Variants in DCX observed in about 807,000 individuals in gnomAD.
The protein encoded by DCX is neuronal migration protein doublecortin.
Under a neutral mutation model 20.9 loss-of-function variants are expected in DCX, and 4 were observed. The ratio of observed to expected loss-of-function variants is 0.19; its 90% CI spans 0.09 to 0.44. DCX has a LOEUF of 0.44. Among genes scored for constraint, DCX ranks in the 20% least tolerant of loss-of-function variants. The pLI is 0.99. For missense variants in DCX, 133 were observed against 296.9 expected (o/e 0.45, Z 4.06); for synonymous variants, 103 against 111.4 (o/e 0.92, Z 0.47).
chrX:111,349,195 T>G (rs767971198), intron 3 of DCX, among the ~76,000 whole-genome samples: 1 of 111,877 alleles, frequency 8.9e-6, no homozygotes, highest in South Asian at 3.8e-4. Flanking sequence ...CTAGTTGATT[T>G]CTGAGGTCTC....
At chrX:111,346,611 A>AAT in intron 3 of DCX, among the ~76,000 whole-genome samples, 2 of 112,059 alleles carry the variant, frequency 1.8e-5, no homozygotes, top group South Asian at 7.4e-4. Context: ...TAAAAGTTTA[A>AAT]AAAGTTCTAG....
intron 3 of DCX, among the ~76,000 whole-genome samples, chrX:111,379,315 G>T (rs765206934): frequency 1.6e-4 from 18 of 111,352 alleles, no homozygotes; most frequent in Non-Finnish European, 3.2e-4. Context: ...ACCAATTTTA[G>T]AACATTCTCA....
intron 3 of DCX, among the ~76,000 whole-genome samples, chrX:111,346,594 G>T (rs1220276670): frequency 1.8e-5 from 2 of 111,867 alleles, no homozygotes; most frequent in South Asian, 3.7e-4. Flanking sequence ...ACAGTTGGTT[G>T]TCATGTTAAA....
At chrX:111,376,459 T>G (rs757948790) in intron 3 of DCX, among the ~76,000 whole-genome samples, 33 of 112,050 alleles carry the variant, frequency 2.9e-4, no homozygotes, top group Non-Finnish European at 5.6e-4. Flanking sequence ...GAACTAATTA[T>G]GAATAAGTCC....
rs772292044 is a variant in DCX, at chrX:111,331,905, G to A, written c.809-864C>T. On this transcript the variant is annotated intron_variant, in intron 4 of 6. Transcript: ENST00000636035. ...CAAAACAAGAAATTAGTAAAACAAG[G>A]TCTAAAAGTCAAGTCCCCTGAGTTC... Among the ~76,000 whole-genome samples the A allele has an allele frequency of 4.4e-5, 5 of 112,553 alleles. No individual in the cohort carries two copies. The Admixed American group carries it at 4.7e-4, about 11-fold the overall frequency.
chrX:111,377,654 C>T (rs1307988950), intron 3 of DCX, among the ~76,000 whole-genome samples: 2 of 111,566 alleles, frequency 1.8e-5, no homozygotes, highest in African/African-American at 6.5e-5. Flanking sequence ...AGTGGGAATG[C>T]TTCCCAGAGA....
chrX:111,343,871 A>G (rs1249998751), intron 3 of DCX, among the ~76,000 whole-genome samples: 4 of 111,075 alleles, frequency 3.6e-5, no homozygotes, highest in Non-Finnish European at 5.7e-5. Flanking sequence ...AGTCCCAGCT[A>G]CTCAGGAGTC....
At chrX:111,333,894 T>A (rs928597933) in intron 3 of DCX, among the ~76,000 whole-genome samples, 5 of 111,471 alleles carry the variant, frequency 4.5e-5, no homozygotes, top group Non-Finnish European at 9.4e-5. Context: ...GAGATGAGGG[T>A]CCCTGGGAAA....
chrX:111,339,915 G>T (rs1420909863), intron 3 of DCX, among the ~76,000 whole-genome samples: 2 of 112,068 alleles, frequency 1.8e-5, no homozygotes, highest in African/African-American at 6.5e-5. Flanking sequence ...CCTCTCCCTG[G>T]TCACGGTACT....
In DCX at chrX:111,294,742, T is replaced by C. The variant is rs1433799313; in HGVS notation, c.*6945A>G. The C allele has an allele frequency of 8.9e-6, 1 of 111,752 alleles. No homozygotes were observed. The highest frequency in any genetic ancestry group is 1.9e-5 in the Non-Finnish European group (1 of 53,215). The allele number at this position is 111,752 out of a possible 1,213,427, so 9.2% of individuals were successfully genotyped here. ...GGACTACAAAGAAGAATATATTCTT[T>C]TCAGAGGTTAAAACGAGTTAAGAAA... On this transcript the variant is annotated 3_prime_UTR_variant, in exon 7 of 7. Coordinates refer to ENST00000636035, the MANE Select transcript of DCX (RefSeq NM_001195553.2).
At chrX:111,396,325 A>C (rs1004307369) in intron 3 of DCX, among the ~76,000 whole-genome samples, 1 of 112,181 alleles carries the variant, frequency 8.9e-6, no homozygotes. Context: ...CTTCCAATTG[A>C]AAATTGGCCT....
chrX:111,344,756 G>A (rs1398595438), intron 3 of DCX, among the ~76,000 whole-genome samples: 1 of 111,523 alleles, frequency 9.0e-6, no homozygotes, highest in Non-Finnish European at 1.9e-5. Context: ...ACAAACAAAT[G>A]GAAAAACATT....
intron 3 of DCX, among the ~76,000 whole-genome samples, chrX:111,380,185 A>G (rs752194214): frequency 2.6e-4 from 29 of 111,839 alleles, no homozygotes; most frequent in Admixed American, 7.6e-4. Context: ...TTTAATTCTT[A>G]TGAAGTCCAA....
chrX:111,309,330 G>T (rs1274796372), intron 6 of DCX, among the ~76,000 whole-genome samples: 1 of 112,158 alleles, frequency 8.9e-6, no homozygotes, highest in Admixed American at 9.4e-5. Context: ...TCAGCCATCT[G>T]CTTCCTGTCT....
intron 3 of DCX, among the ~76,000 whole-genome samples, chrX:111,362,199 C>A (rs1279101001): frequency 9.0e-6 from 1 of 111,314 alleles, no homozygotes; most frequent in Non-Finnish European, 1.9e-5. Flanking sequence ...GGAGAAAAAA[C>A]CATTGCTTGA....
intron 3 of DCX, among the ~76,000 whole-genome samples, chrX:111,344,690 T>C (rs908303763): frequency 1.8e-5 from 2 of 111,153 alleles, no homozygotes; most frequent in Admixed American, 9.6e-5. Flanking sequence ...ACAAGGGATA[T>C]GAAGGACCTC....
At chrX:111,381,516 C>T (rs945709868) in intron 3 of DCX, among the ~76,000 whole-genome samples, 6 of 110,406 alleles carry the variant, frequency 5.4e-5, no homozygotes, top group Non-Finnish European at 1.1e-4. Context: ...TGCAGAATTG[C>T]CCTGAAGATT....
chrX:111,405,569 G>A (rs1318569733), intron 2 of DCX, among the ~76,000 whole-genome samples: 1 of 111,249 alleles, frequency 9.0e-6, no homozygotes, highest in East Asian at 2.8e-4. Context: ...CTCAATTTGG[G>A]TTCAGAAAAG....
chrX:111,322,124 C>G (rs1394054017), intron 5 of DCX, among the ~76,000 whole-genome samples: 2 of 111,901 alleles, frequency 1.8e-5, no homozygotes, highest in African/African-American at 6.5e-5. Context: ...AGCTGTTTTT[C>G]TGCAGTTATT....
Sources: allele counts gnomAD v4.1 joint callset (sites outside exome capture counted in the v4.1 genomes callset), GRCh38; gene constraint gnomAD v4.1.1; transcripts MANE v1.5; gene names NCBI Gene and HGNC (gene_info 2026-07-23, HGNC 2026-07-21).